The following RBM47 variants were observed in gnomAD, a reference collection of about 807,000 sequenced individuals.
RBM47 encodes RNA binding motif protein 47, also known as RNA-binding protein 47.
A neutral mutation model predicts 47.1 loss-of-function variants in RBM47; 21 were observed. That is an observed-to-expected ratio of 0.45 (90% CI 0.32 to 0.64). The LOEUF is 0.64. Among genes scored for constraint, RBM47 ranks in the 30% least tolerant of loss-of-function variants. The pLI is 0.05. For missense variants in RBM47, 708 were observed against 870.9 expected (o/e 0.81, Z 2.35); for synonymous variants, 375 against 361.7 (o/e 1.04, Z -0.42).
chr4:40,496,603 C>T (rs1038100149), intron 2 of RBM47, among the ~76,000 whole-genome samples: 6 of 152,176 alleles, frequency 3.9e-5, no homozygotes, highest in African/African-American at 1.4e-4. Context: ...ACTCTGTTTC[C>T]TCTCTACCAG....
intron 1 of RBM47, among the ~76,000 whole-genome samples, chr4:40,598,455 C>T (rs1734949924): frequency 6.6e-6 from 1 of 151,946 alleles, no homozygotes; most frequent in South Asian, 2.1e-4. Flanking sequence ...GCCATGTTGC[C>T]CAGGCTGGTC....
At chr4:40,533,208 C>T (rs1309386045) in intron 2 of RBM47, among the ~76,000 whole-genome samples, 2 of 152,102 alleles carry the variant, frequency 1.3e-5, no homozygotes, top group African/African-American at 4.8e-5. Flanking sequence ...CCAAGGTAGG[C>T]GGTTCACCTG....
chr4:40,439,261 G>A (rs1034387233), intron 3 of RBM47, among the ~76,000 whole-genome samples: 1 of 152,112 alleles, frequency 6.6e-6, no homozygotes, highest in Admixed American at 6.5e-5. Flanking sequence ...CTTCATTCCT[G>A]CACCGTTAAC....
intron 2 of RBM47, among the ~76,000 whole-genome samples, chr4:40,527,874 C>T (rs1461997623): frequency 6.6e-6 from 1 of 152,004 alleles, no homozygotes; most frequent in African/African-American, 2.4e-5. Flanking sequence ...ACTGTTTACC[C>T]TTGAGGAAAC....
At chr4:40,535,771 G>T (rs985206750) in intron 2 of RBM47, among the ~76,000 whole-genome samples, 4 of 152,092 alleles carry the variant, frequency 2.6e-5, no homozygotes, top group Non-Finnish European at 4.4e-5. Context: ...TGTTGACCAG[G>T]TTGGTCTTGA....
intron 3 of RBM47, among the ~76,000 whole-genome samples, chr4:40,458,455 C>T (rs1384011846): frequency 6.6e-6 from 1 of 152,136 alleles, no homozygotes; most frequent in Admixed American, 6.5e-5. Context: ...ATAGCATTCG[C>T]CCAGGAATAC....
intron 1 of RBM47, among the ~76,000 whole-genome samples, chr4:40,561,135 A>T (rs1038863062): frequency 2.0e-5 from 3 of 152,016 alleles, no homozygotes; most frequent in Non-Finnish European, 4.4e-5. Flanking sequence ...AGTAAAGAAG[A>T]CTGAGGTCCA....
chr4:40,432,952 A>AT (rs1221190981), intron 5 of RBM47, 90 bp from the exon 6 acceptor site: 2 of 1,490,074 alleles, frequency 1.3e-6, no homozygotes, highest in Admixed American at 2.8e-5. Flanking sequence ...TTTTATTTTT[A>AT]TTTTTTTAAA....
At chr4:40,532,703 T>C (rs552228629) in intron 2 of RBM47, among the ~76,000 whole-genome samples, 7 of 150,972 alleles carry the variant, frequency 4.6e-5, no homozygotes, top group African/African-American at 1.5e-4. Context: ...CATACGTCAA[T>C]GTCTTAACCA....
intron 1 of RBM47, among the ~76,000 whole-genome samples, chr4:40,595,506 G>A (rs927081753): frequency 6.6e-6 from 1 of 151,862 alleles, no homozygotes; most frequent in African/African-American, 2.4e-5. Context: ...AAAGAGAAAA[G>A]GATAGAAAAG....
chr4:40,518,709 G>T (rs901982689), intron 2 of RBM47, among the ~76,000 whole-genome samples: 5 of 151,918 alleles, frequency 3.3e-5, no homozygotes, highest in Non-Finnish European at 1.5e-5. Context: ...CCAATCAGGG[G>T]TGTCCAATCT....
intron 1 of RBM47, among the ~76,000 whole-genome samples, chr4:40,592,374 C>T (rs1416730067): frequency 1.3e-5 from 2 of 151,502 alleles, no homozygotes; most frequent in Non-Finnish European, 2.9e-5. Flanking sequence ...CCACCTCAGC[C>T]TCCCTAATAG....
chr4:40,492,237 G>T (rs1331818461), intron 2 of RBM47, among the ~76,000 whole-genome samples: 1 of 152,072 alleles, frequency 6.6e-6, no homozygotes, highest in Non-Finnish European at 1.5e-5. Flanking sequence ...AGGCCTGGGG[G>T]TATGCGCCTG....
At chr4:40,495,257 T>C (rs1171192159) in intron 2 of RBM47, among the ~76,000 whole-genome samples, 1 of 152,190 alleles carries the variant, frequency 6.6e-6, no homozygotes, top group East Asian at 1.9e-4. Flanking sequence ...ATTCTTCCCA[T>C]CTATTTTTCC....
intron 2 of RBM47, among the ~76,000 whole-genome samples, chr4:40,532,878 T>A (rs1727551097): frequency 6.6e-6 from 1 of 152,132 alleles, no homozygotes; most frequent in African/African-American, 2.4e-5. Context: ...ACCAGTAGCT[T>A]ATAGCCTCTT....
intron 1 of RBM47, among the ~76,000 whole-genome samples, chr4:40,554,455 A>G (rs1223652630): frequency 1.3e-5 from 2 of 151,024 alleles, no homozygotes; most frequent in African/African-American, 2.4e-5. Flanking sequence ...CCACGGTGTC[A>G]CAAATGAAGT....
rs181469007 is a variant in RBM47, at chr4:40,512,278, C to T, written c.-155+32144G>A. On this transcript the variant is annotated intron_variant, in intron 2 of 6. Coordinates refer to ENST00000295971, the MANE Select transcript of RBM47 (RefSeq NM_001098634.2). The stretch of plus-strand genomic sequence containing the variant: ...TCTACTAAAAATACAAAAAATTAGC[C>T]GGGCATGATGGTGGGCGCCCAGCTA... Among the ~76,000 whole-genome samples, 31 of 150,920 alleles carry T rather than the reference C, an allele frequency of 2.1e-4. No homozygotes were observed. The East Asian group carries it at 5.1e-3, about 25-fold the overall frequency.
chr4:40,578,861 T>C (rs1400413047), intron 1 of RBM47, among the ~76,000 whole-genome samples: 3 of 152,226 alleles, frequency 2.0e-5, no homozygotes, highest in African/African-American at 7.2e-5. Context: ...CTCACGCCTG[T>C]AATTCCAGCA....
intron 4 of RBM47, among the ~76,000 whole-genome samples, chr4:40,437,274 G>T (rs1712797693): frequency 1.3e-5 from 2 of 150,048 alleles, no homozygotes; most frequent in East Asian, 1.9e-4. Flanking sequence ...AACAGGCCAG[G>T]GGAGATTAAA....
Sources: allele counts gnomAD v4.1 joint callset (sites outside exome capture counted in the v4.1 genomes callset), GRCh38; gene constraint gnomAD v4.1.1; transcripts MANE v1.5; gene names NCBI Gene and HGNC (gene_info 2026-07-23, HGNC 2026-07-21).